Variants in CKAP4 observed in about 807,000 individuals in gnomAD.
CKAP4 encodes the protein cytoskeleton associated protein 4, also known as cytoskeleton-associated protein 4.
Under a neutral mutation model 24.4 loss-of-function variants are expected in CKAP4, and 20 were observed. The ratio of observed to expected loss-of-function variants is 0.82; its 90% confidence interval spans 0.58 to 1.19. The LOEUF is 1.19. Ranked by LOEUF, CKAP4 falls within the 50% of genes most tolerant of loss-of-function variation. The pLI is 0.00. For missense variants in CKAP4, 744 were observed against 765.3 expected (o/e 0.97, Z 0.33); for synonymous variants, 378 against 351.7 (o/e 1.07, Z -0.84).
In CKAP4 at chr12:106,247,876, C is replaced by T. The variant is rs1337795883; in HGVS notation, c.-25G>A. The T allele has an allele frequency of 3.9e-5, 40 of 1,029,760 alleles. No homozygotes were observed. Among genetic ancestry groups the T allele is most frequent in the Non-Finnish European group, 4.5e-5 (39 of 860,826 alleles). 63.8% of individuals were successfully genotyped at this position (1,029,760 alleles called of 1,614,324 possible). The stretch of plus-strand genomic sequence containing the variant: ...TGGCGGGCGCGGCGGCGGCTCGGGC[C>T]GCGGGCTGGGAGGCGAGCGAGCGCG... On this transcript the variant is annotated 5_prime_UTR_variant, in exon 1 of 2. Transcript: ENST00000378026. The surrounding 1 kb of genome is among the most constrained non-coding windows in gnomAD (Gnocchi z 4.5).
intron 1 of CKAP4, among the ~76,000 whole-genome samples, chr12:106,240,585 C>T (rs1480364257): frequency 6.7e-6 from 1 of 148,258 alleles, no homozygotes; most frequent in South Asian, 2.1e-4. Context: ...TCAGGCTGCA[C>T]AGCACAATGA....
chr12:106,239,907 G>A lies in CKAP4; in HGVS notation c.926C>T (p.Ala309Val), dbSNP rs751034013. 4 of 1,614,104 alleles carry A rather than the reference G, an allele frequency of 2.5e-6. No homozygotes were observed. Among genetic ancestry groups the A allele is most frequent in the Non-Finnish European group, 3.4e-6 (4 of 1,180,004 alleles). The change falls in exon 2 of 2, where the codon GCC becomes GTC. Residue 309 changes from alanine (A) to valine (V), a missense_variant. Physicochemically the swap from Ala to Val is moderately conservative, Grantham distance 64. Around this residue, in one of 3 missense-constraint regions of CKAP4, gnomAD observed 401 missense variants for 424.5 expected, o/e 0.94. Coordinates refer to ENST00000378026, the MANE Select transcript of CKAP4 (RefSeq NM_006825.4). This position sits in a 1 kb window ranked among gnomAD's most constrained non-coding sequence, Gnocchi z 4.9. ...CATAGTCTGAAGGGTACTTCTCAGGGCCTCCATGTCCCACTCTCTGGACTT... is the reference window on the plus strand; with the variant it reads ...CATAGTCTGAAGGGTACTTCTCAGGACCTCCATGTCCCACTCTCTGGACTT... Reference protein sequence around the residue: ...SAKSREWDMEALRSTLQTMES... With the variant: ...SAKSREWDMEVLRSTLQTMES...
In CKAP4 at chr12:106,239,675, C is replaced by T; in HGVS notation, c.1158G>A (p.Gly386=). 20 of 1,614,212 alleles carry T rather than the reference C, an allele frequency of 1.2e-5. No homozygotes were observed. The highest frequency in any genetic ancestry group is 1.7e-5 in the Non-Finnish European group (20 of 1,180,034). The change falls in exon 2 of 2, where the codon GGG becomes GGA. Residue 386 remains glycine, a synonymous_variant. Coordinates refer to ENST00000378026, the MANE Select transcript of CKAP4 (RefSeq NM_006825.4). This position sits in a 1 kb window ranked among gnomAD's most constrained non-coding sequence, Gnocchi z 4.9. ...GTCTGAAGCCTCCGTCCTCCTTCGG[C>T]CCGTGGGAATCGGACTTCAGCTGGC... The part of the protein sequence containing the change: ...ELRQLKSDSH[G]PKEDGGFRHS...
intron 1 of CKAP4, among the ~76,000 whole-genome samples, chr12:106,244,276 A>G: frequency 6.6e-6 from 1 of 152,214 alleles, no homozygotes; most frequent in East Asian, 1.9e-4. Flanking sequence ...ATCCTAGCCC[A>G]GCCACTAACT....
At chr12:106,241,634 C>T (rs1301292294) in intron 1 of CKAP4, among the ~76,000 whole-genome samples, 1 of 152,090 alleles carries the variant, frequency 6.6e-6, no homozygotes, top group Non-Finnish European at 1.5e-5. Flanking sequence ...CGCCTGGCCT[C>T]ATTTTAAAAC....
rs1009913285 is a variant in CKAP4 at position 106,247,268 on chromosome 12, G to C, written c.483+101C>G. ...CGGCCGGCTCCCGCCTCCGGGCCTG[G>C]GCAGGCAGCGCTAGGGGCCGGTCGG... On this transcript the variant is annotated intron_variant, in intron 1 of 1. Coordinates refer to ENST00000378026, the MANE Select transcript of CKAP4 (RefSeq NM_006825.4). This position sits in a 1 kb window ranked among gnomAD's most constrained non-coding sequence, Gnocchi z 4.5. 13 of 1,100,252 alleles carry C rather than the reference G, an allele frequency of 1.2e-5. No homozygotes were observed. The highest frequency in any genetic ancestry group is 2.9e-5 in the Admixed American group (1 of 33,928). The allele number at this position is 1,100,252 out of a possible 1,614,324, so 68.2% of individuals were successfully genotyped here.
At chr12:106,242,971 C>T (rs2033980174) in intron 1 of CKAP4, among the ~76,000 whole-genome samples, 1 of 152,232 alleles carries the variant, frequency 6.6e-6, no homozygotes, top group Non-Finnish European at 1.5e-5. Context: ...AGTTGTGCAT[C>T]TTTATGTGCA....
chr12:106,239,879 C>T lies in CKAP4; in HGVS notation c.954G>A (p.Glu318=), dbSNP rs146992733. 3 of 1,612,672 alleles carry T rather than the reference C, an allele frequency of 1.9e-6. No individual in the cohort carries two copies. Among genetic ancestry groups the T allele is most frequent in the Non-Finnish European group, 1.7e-6 (2 of 1,179,510 alleles). ...EALRSTLQTM[E]SDIYTEVREL... is the part of the protein sequence containing the mutation. ...CGCGGACCTCGGTGTAGATGTCAGACTCCATAGTCTGAAGGGTACTTCTCA... is the reference window on the plus strand; with the variant it reads ...CGCGGACCTCGGTGTAGATGTCAGATTCCATAGTCTGAAGGGTACTTCTCA... The change falls in exon 2 of 2, where the codon GAG becomes GAA. Residue 318 remains glutamate (E), a synonymous_variant. Coordinates refer to ENST00000378026, the MANE Select transcript of CKAP4 (RefSeq NM_006825.4). The surrounding 1 kb of genome is among the most constrained non-coding windows in gnomAD (Gnocchi z 4.9).
In CKAP4 at chr12:106,248,010, G is replaced by A; in HGVS notation, c.-159C>T. 3.5e-6 allele frequency: 1 copy of A among 283,252 alleles called. No homozygotes were observed. Among genetic ancestry groups the A allele is most frequent in the Non-Finnish European group, 5.4e-6 (1 of 186,394 alleles). The allele number at this position is 283,252 out of a possible 1,614,324, so 17.5% of individuals were successfully genotyped here. On this transcript the variant is annotated 5_prime_UTR_variant, in exon 1 of 2. Transcript: ENST00000378026. ...GGACGCGCGGCCGGGGAAGGAGGCC[G>A]GGCCGAGGAGGCGGGAGGAGGGGGC...
chr12:106,240,726 C>T (rs992735678), intron 1 of CKAP4, among the ~76,000 whole-genome samples: 2 of 150,424 alleles, frequency 1.3e-5, no homozygotes, highest in African/African-American at 4.9e-5. Context: ...CTGACTCTAT[C>T]AAGTCCCCAT....
At chr12:106,240,425 C>G in intron 1 of CKAP4, 76 bp from the exon 2 acceptor site, 1 of 1,494,900 alleles carries the variant, frequency 6.7e-7, no homozygotes, top group Non-Finnish European at 9.0e-7. Context: ...TTTGTCTGCC[C>G]AGCCTCCAGG....
chr12:106,244,452 CATTAA>C lies in CKAP4; in HGVS notation c.483+2912_483+2916del, dbSNP rs150366149. 2.6e-3 allele frequency among the ~76,000 whole-genome samples: 398 copies of C among 152,318 alleles called. 1 individual carries two copies. Among genetic ancestry groups the C allele is most frequent in the African/African-American group, 8.9e-3 (368 of 41,572 alleles). ...TAATAAGTGCACCATAAATATGACA[CATTAA>C]ATTATAGTTTGATTACACTACTAAA... On this transcript the variant is annotated intron_variant, in intron 1 of 1. Transcript: ENST00000378026.
chr12:106,247,711 GGGC>G lies in CKAP4; in HGVS notation c.138_140del (p.Pro47del), dbSNP rs368519473. On this transcript the variant is annotated inframe_deletion, in exon 1 of 2. Transcript: ENST00000378026. This position sits in a 1 kb window ranked among gnomAD's most constrained non-coding sequence, Gnocchi z 4.5. Reference sequence around the variant, plus strand: ...GCGGGTGCTGCTGCGGGTGCGGCGCGGGCGGCGGCGGCGGCTGCTGCGGCGCCG... The same window carrying G: ...GCGGGTGCTGCTGCGGGTGCGGCGCGGGCGGCGGCGGCTGCTGCGGCGCCG... The G allele has an allele frequency of 0.62, 639,905 of 1,032,258 alleles. 199,885 individuals carry two copies. The highest frequency in any genetic ancestry group is 0.82 in the African/African-American group (46,923 of 56,992). 63.9% of individuals were successfully genotyped at this position (1,032,258 alleles called of 1,614,324 possible).
In CKAP4 at chr12:106,247,477, C is replaced by T; in HGVS notation, c.375G>A (p.Trp125Ter). 6.5e-7 allele frequency: 1 copy of T among 1,546,394 alleles called. No individual in the cohort carries two copies. Among genetic ancestry groups the T allele is most frequent in the Non-Finnish European group, 8.7e-7 (1 of 1,148,664 alleles). Residue 125 changes from tryptophan (W) to a stop codon, truncating the protein, a stop_gained, in exon 1 of 2, where the codon TGG becomes TGA. Transcript: ENST00000378026. LOFTEE classifies it high-confidence loss of function. This position sits in a 1 kb window ranked among gnomAD's most constrained non-coding sequence, Gnocchi z 4.5. ...CCTCCTCCAGGACGTGGTGGACGCA[C>T]CAGCCCGAGAAAGCGGCCGCCGCCA... ...ALVAAAAFSG[W>*]CVHHVLEEVQ...
chr12:106,241,459 A>G (rs2033970090), intron 1 of CKAP4, among the ~76,000 whole-genome samples: 1 of 149,660 alleles, frequency 6.7e-6, no homozygotes, highest in South Asian at 2.1e-4. Flanking sequence ...CAGCCTCCCG[A>G]GTAGCTGGGA....
chr12:106,247,157 C>T lies in CKAP4; in HGVS notation c.483+212G>A, dbSNP rs1336955832. Reference sequence around the variant, plus strand: ...CCCTCGGGGCCGATTCCTCCGCAGCCATTAACAAAGGGGGTCTGGGGACTG... The same window carrying T: ...CCCTCGGGGCCGATTCCTCCGCAGCTATTAACAAAGGGGGTCTGGGGACTG... On this transcript the variant is annotated intron_variant, in intron 1 of 1. Coordinates refer to ENST00000378026, the MANE Select transcript of CKAP4 (RefSeq NM_006825.4). The surrounding 1 kb of genome is among the most constrained non-coding windows in gnomAD (Gnocchi z 4.5). Among the ~76,000 whole-genome samples, 1 of 152,162 alleles carries T rather than the reference C, an allele frequency of 6.6e-6. No homozygotes were observed. The highest frequency in any genetic ancestry group is 2.4e-5 in the African/African-American group (1 of 41,462).
In CKAP4 at chr12:106,238,658, C is replaced by T. The variant is rs7132695; in HGVS notation, c.*366G>A. 0.032 allele frequency: 5,884 copies of T among 184,296 alleles called. 355 individuals carry two copies. The highest frequency in any genetic ancestry group is 0.13 in the African/African-American group (5,477 of 42,276). 11.4% of individuals were successfully genotyped at this position (184,296 alleles called of 1,614,324 possible). On this transcript the variant is annotated 3_prime_UTR_variant, in exon 2 of 2. Coordinates refer to ENST00000378026, the MANE Select transcript of CKAP4 (RefSeq NM_006825.4). ...CTAGAAAGAAAAGGGTCCCCCCAACCCACCTTTTTTTTTTTTTTACTTGAA... is the reference window on the plus strand; with the variant it reads ...CTAGAAAGAAAAGGGTCCCCCCAACTCACCTTTTTTTTTTTTTTACTTGAA...
At chr12:106,244,554 G>A (rs1040536885) in intron 1 of CKAP4, among the ~76,000 whole-genome samples, 3 of 152,222 alleles carry the variant, frequency 2.0e-5, no homozygotes, top group Non-Finnish European at 4.4e-5. Flanking sequence ...GGCCAAGGCA[G>A]GAGGACTGCT....
rs758461328 is a variant in CKAP4, at chr12:106,239,704, G to A, written c.1129C>T (p.Leu377Phe). The part of the protein sequence containing the change: ...PEEIRRLEEE[L>F]RQLKSDSHGP... ...TGGGAATCGGACTTCAGCTGGCGGA[G>A]CTCTTCCTCCAGTCTCCGGATCTCC... Residue 377 changes from leucine to phenylalanine, a missense_variant, in exon 2 of 2, where the codon CTC becomes TTC. Around this residue, in one of 3 missense-constraint regions of CKAP4, gnomAD observed 401 missense variants for 424.5 expected, o/e 0.94. Transcript: ENST00000378026. The surrounding 1 kb of genome is among the most constrained non-coding windows in gnomAD (Gnocchi z 4.9). 1.2e-6 allele frequency: 2 copies of A among 1,614,110 alleles called. No individual in the cohort carries two copies. The highest frequency in any genetic ancestry group is 1.7e-6 in the Non-Finnish European group (2 of 1,179,988).
Sources: allele counts gnomAD v4.1 joint callset (sites outside exome capture counted in the v4.1 genomes callset), GRCh38; gene constraint gnomAD v4.1.1; regional missense constraint gnomAD v4.1.1; non-coding constraint Gnocchi (gnomAD v3.1); transcripts MANE v1.5; gene names NCBI Gene and HGNC (gene_info 2026-07-23, HGNC 2026-07-21).